Variants in CPS1 observed in about 807,000 individuals in gnomAD.
CPS1 encodes carbamoyl-phosphate synthase [ammonia], mitochondrial.
CPS1 carries 109 observed loss-of-function variants against 174.6 expected under a neutral mutation model. That is an observed-to-expected ratio of 0.62 (90% CI 0.53 to 0.73). CPS1 has a LOEUF of 0.73. Ranked by LOEUF, CPS1 falls within the 30% of genes least tolerant of loss-of-function variation. CPS1 has a pLI of 0.00. For synonymous variants in CPS1, 637 were observed against 632.0 expected, an observed-to-expected ratio of 1.01 and a Z score of -0.12; for missense variants, 1,689 against 1,821.9, an observed-to-expected ratio of 0.93 and a Z score of 1.33.
At chr2:210,643,448 G>A (rs908865187) in intron 25 of CPS1, among the ~76,000 whole-genome samples, 4 of 151,964 alleles carry the variant, frequency 2.6e-5, no homozygotes, top group Non-Finnish European at 4.4e-5. Context: ...CAATTAGAAG[G>A]AAAAAAGTAC....
At chr2:210,533,305 TAAC>T (rs1696162103) in intron 1 of CPS1, among the ~76,000 whole-genome samples, 2 of 152,062 alleles carry the variant, frequency 1.3e-5, no homozygotes, top group African/African-American at 4.8e-5. Context: ...ATTGCAAAAA[TAAC>T]AACAATAACA....
chr2:210,551,799 AT>A (rs753330778), upstream of CPS1, among the ~76,000 whole-genome samples: 1 of 151,946 alleles, frequency 6.6e-6, no homozygotes, highest in Non-Finnish European at 1.5e-5. Flanking sequence ...ACTTGATTGG[AT>A]TTCCAAGGAT....
At chr2:210,510,279 A>T (rs922951907) in intron 1 of CPS1, among the ~76,000 whole-genome samples, 1 of 152,228 alleles carries the variant, frequency 6.6e-6, no homozygotes, top group Admixed American at 6.5e-5. Flanking sequence ...CAATGGGGAA[A>T]GGATTCCCTA....
chr2:210,577,636 T>A, intron 4 of CPS1, 126 bp downstream of exon 4: 4 of 779,882 alleles, frequency 5.1e-6, no homozygotes, highest in Non-Finnish European at 9.3e-6. Flanking sequence ...CAGAGAGGGA[T>A]TCCTTCTCTT....
chr2:210,591,954 C>G lies in CPS1; in HGVS notation c.1071C>G (p.Asn357Lys). The G allele has an allele frequency of 6.2e-7, 1 of 1,611,480 alleles. No homozygotes were observed. The highest frequency in any genetic ancestry group is 8.5e-7 in the Non-Finnish European group (1 of 1,178,742). ...AGWKPLFVNV[N>K]DQTNEGIMHE... is the part of the protein sequence containing the mutation. Reference sequence around the variant, plus strand: ...GGAAACCACTTTTTGTGAATGTCAACGATCAAACAAATGAGGTAAATGATG... The same window carrying G: ...GGAAACCACTTTTTGTGAATGTCAAGGATCAAACAAATGAGGTAAATGATG... Residue 357 changes from asparagine (N) to lysine (K), a missense_variant, in exon 10 of 38, where the codon AAC (asparagine) becomes AAG (lysine). Physicochemically the swap from Asn to Lys is moderately conservative, Grantham distance 94. Coordinates refer to ENST00000233072, the MANE Select transcript of CPS1 (RefSeq NM_001875.5).
At chr2:210,634,400 A>G (rs960116152) in intron 21 of CPS1, among the ~76,000 whole-genome samples, 1 of 152,224 alleles carries the variant, frequency 6.6e-6, no homozygotes, top group African/African-American at 2.4e-5. Context: ...ACTGCACTTC[A>G]GCCTGGGCGA....
intron 21 of CPS1, 64 bp from the exon 22 acceptor site, chr2:210,637,638 A>G (rs1426194575): frequency 2.6e-6 from 4 of 1,562,434 alleles, no homozygotes; most frequent in Non-Finnish European, 3.5e-6. Context: ...TTGAAATTGA[A>G]CTTGTCACCG....
Position 210,591,894 on chromosome 2 carries a change from T to C in CPS1, c.1011T>C (p.His337=). The C allele has an allele frequency of 6.2e-7, 1 of 1,612,580 alleles. No homozygotes were observed. Among genetic ancestry groups the C allele is most frequent in the Non-Finnish European group, 8.5e-7 (1 of 1,179,098 alleles). Residue 337 remains histidine (H), a synonymous_variant, in exon 10 of 38, where the codon CAT becomes CAC. Coordinates refer to ENST00000233072, the MANE Select transcript of CPS1 (RefSeq NM_001875.5). ...NKQAFITAQN[H]GYALDNTLPA... is the part of the protein sequence containing the mutation. ...AGGCTTTCATTACTGCTCAGAATCA[T>C]GGCTATGCCTTGGACAACACCCTCC...
intron 18 of CPS1, among the ~76,000 whole-genome samples, chr2:210,607,280 T>C (rs1418133406): frequency 2.0e-5 from 3 of 152,102 alleles, no homozygotes; most frequent in Middle Eastern, 3.4e-3. Context: ...TCAGCTGTTT[T>C]CTTCAGGTGT....
chr2:210,650,421 G>A lies in CPS1; in HGVS notation c.3463G>A (p.Ala1155Thr). 2 of 1,612,814 alleles carry A rather than the reference G, an allele frequency of 1.2e-6. No individual in the cohort carries two copies. Among genetic ancestry groups the A allele is most frequent in the Non-Finnish European group, 1.7e-6 (2 of 1,178,912 alleles). ...EDEMKKFLEE[A>T]TRVSQEHPVV... ...TGAGATGAAAAAATTCCTAGAAGAGGCGACTAGAGTTTCTCAGGTAGTGTC... is the reference window on the plus strand; with the variant it reads ...TGAGATGAAAAAATTCCTAGAAGAGACGACTAGAGTTTCTCAGGTAGTGTC... The change falls in exon 28 of 38, where the codon GCG becomes ACG. Residue 1155 changes from alanine (A) to threonine (T), a missense_variant. Ala to Thr is a moderately conservative substitution (Grantham distance 58). Coordinates refer to ENST00000233072, the MANE Select transcript of CPS1 (RefSeq NM_001875.5).
chr2:210,555,587 C>T (rs1479926965), upstream of CPS1: 1 of 455,072 alleles, frequency 2.2e-6, no homozygotes, highest in Non-Finnish European at 4.4e-6. Context: ...AGCACTGATT[C>T]TATGTTATTG....
At chr2:210,506,476 C>G (rs1312285831) in intron 1 of CPS1, among the ~76,000 whole-genome samples, 1 of 152,146 alleles carries the variant, frequency 6.6e-6, no homozygotes, top group African/African-American at 2.4e-5. Context: ...ATCAGAGCGC[C>G]TCTTCTACTC....
At position 210,606,984 on chromosome 2, in the gene CPS1, A is replaced by G. The variant is rs200521114; in HGVS notation, c.2192+43A>G. On this transcript the variant is annotated intron_variant, in intron 18 of 37. Transcript: ENST00000233072. ...GACCATGGGTTTGCAGATTCTTTTC[A>G]GATAGAAATGAAAAATTGACAGATA... The G allele has an allele frequency of 2.6e-6, 4 of 1,563,788 alleles. No individual in the cohort carries two copies. In the East Asian group the frequency reaches 9.1e-5, roughly 36 times the overall value.
At chr2:210,606,300 C>A (rs1184384854) in intron 17 of CPS1, among the ~76,000 whole-genome samples, 1 of 151,640 alleles carries the variant, frequency 6.6e-6, no homozygotes, top group African/African-American at 2.4e-5. Flanking sequence ...TGTTTGAAGG[C>A]AGAAGGGATG....
At position 210,675,760 on chromosome 2, in the gene CPS1, C is replaced by T. The variant is rs1300448311; in HGVS notation, c.4194C>T (p.Leu1398=). The change falls in exon 36 of 38, where the codon CTC becomes CTT. Residue 1398 remains leucine, a synonymous_variant. Transcript: ENST00000233072. ...LFATEATSDW[L]NANNVPATPV... Reference sequence around the variant, plus strand: ...CCACGGAAGCCACATCAGACTGGCTCAACGCCAACAATGTCCCTGCCACCC... The same window carrying T: ...CCACGGAAGCCACATCAGACTGGCTTAACGCCAACAATGTCCCTGCCACCC... 9 of 1,607,144 alleles carry T rather than the reference C, an allele frequency of 5.6e-6. 1 individual carries two copies. The highest frequency in any genetic ancestry group is 4.0e-5 in the African/African-American group (3 of 74,808).
At position 210,556,663 on chromosome 2, in the gene CPS1, C is replaced by CTAGTAATG; in HGVS notation, c.-69_-68insGTAATGTA. On this transcript the variant is annotated 5_prime_UTR_variant, in exon 1 of 38. The change creates a new upstream start codon in the 5' untranslated region. Coordinates refer to ENST00000233072, the MANE Select transcript of CPS1 (RefSeq NM_001875.5). ...CCCTCCCAGATTTCTTTTACATTAACTAAAAAGTCTTATCACACAATCTCA... is the reference window on the plus strand; with the variant it reads ...CCCTCCCAGATTTCTTTTACATTAACTAGTAATGTAAAAAGTCTTATCACACAATCTCA... 21 of 1,600,022 alleles carry CTAGTAATG rather than the reference C, an allele frequency of 1.3e-5. No individual in the cohort carries two copies. The highest frequency in any genetic ancestry group is 1.7e-5 in the Non-Finnish European group (20 of 1,172,748).
At chr2:210,485,564 TATA>T (rs992769512) in intron 1 of CPS1, among the ~76,000 whole-genome samples, 5 of 152,314 alleles carry the variant, frequency 3.3e-5, no homozygotes, top group Admixed American at 3.3e-4. Flanking sequence ...TTTCACTCAG[TATA>T]ATTATTTTTA....
intron 1 of CPS1, among the ~76,000 whole-genome samples, chr2:210,558,442 A>G (rs1012370712): frequency 2.6e-5 from 4 of 152,086 alleles, no homozygotes; most frequent in African/African-American, 9.7e-5. Flanking sequence ...AAGACATTGT[A>G]ACTAGATGTA....
intron 1 of CPS1, among the ~76,000 whole-genome samples, chr2:210,507,783 G>A (rs1695331556): frequency 6.6e-6 from 1 of 152,144 alleles, no homozygotes; most frequent in African/African-American, 2.4e-5. Flanking sequence ...GACAAAGAAG[G>A]CCATTACATG....
Sources: allele counts gnomAD v4.1 joint callset (sites outside exome capture counted in the v4.1 genomes callset), GRCh38; gene constraint gnomAD v4.1.1; transcripts MANE v1.5; gene names NCBI Gene and HGNC (gene_info 2026-07-23, HGNC 2026-07-21).